The following MSANTD2 variants were observed in gnomAD, a reference collection of about 807,000 sequenced individuals.
MSANTD2 encodes the protein Myb/SANT DNA binding domain containing 2.
Under a neutral mutation model 52.6 loss-of-function variants are expected in MSANTD2, and 19 were observed. The ratio of observed to expected loss-of-function variants is 0.36; its 90% CI spans 0.25 to 0.53. The LOEUF (loss-of-function observed/expected upper bound fraction) is 0.53, where lower values mean the gene tolerates loss of function less well. Ranked by LOEUF, MSANTD2 falls within the 20% of genes least tolerant of loss-of-function variation. The pLI, the probability that MSANTD2 is intolerant of heterozygous loss-of-function variation, is 0.91. For synonymous variants in MSANTD2, 291 were observed against 289.7 expected (o/e 1.00, Z -0.04); for missense variants, 558 against 716.3 (o/e 0.78, Z 2.52).
Position 124,767,172 on chromosome 11 carries a change from ACATT to A in MSANTD2, c.1680_*3del. ...AGAGCCCAAATCCTTATGAAGGATGACATTCAGTTGTTAAATTTTAAGGGGTATC... is the reference window on the plus strand; with the variant it reads ...AGAGCCCAAATCCTTATGAAGGATGACAGTTGTTAAATTTTAAGGGGTATC... On this transcript the variant is annotated stop_lost and 3_prime_UTR_variant, in exon 4 of 4. Transcript: ENST00000374979. This position sits in a 1 kb window ranked among gnomAD's most constrained non-coding sequence, Gnocchi z 6.5. 6.3e-7 allele frequency: 1 copy of A among 1,588,068 alleles called. No homozygotes were observed. Among genetic ancestry groups the A allele is most frequent in the East Asian group, 2.2e-5 (1 of 44,756 alleles).
chr11:124,785,469 C>A (rs1350314090), intron 1 of MSANTD2, among the ~76,000 whole-genome samples: 3 of 152,198 alleles, frequency 2.0e-5, no homozygotes, highest in Non-Finnish European at 2.9e-5. Flanking sequence ...GCAACAGCAG[C>A]CTCTGCTAAT....
At chr11:124,791,276 C>T (rs1945325163) in intron 1 of MSANTD2, 1 of 1,456,496 alleles carries the variant, frequency 6.9e-7, no homozygotes, top group Non-Finnish European at 9.6e-7. Context: ...TTGGTCTACT[C>T]CATGCCCTCC....
rs1555111460 is a variant in MSANTD2, at chr11:124,766,527, TAA to T, written c.*647_*648del. On this transcript the variant is annotated 3_prime_UTR_variant, in exon 4 of 4. Transcript: ENST00000374979. ...AGGAATTACTTTAATTTTTTTTTTT[TAA>T]AAAAAGGTTTAAATGGCAACACAAC... The T allele has an allele frequency of 6.6e-6, 1 of 151,470 alleles. No individual in the cohort carries two copies. The highest frequency in any genetic ancestry group is 2.4e-5 in the African/African-American group (1 of 41,090). 9.4% of individuals were successfully genotyped at this position (151,470 alleles called of 1,614,324 possible). A position where few individuals can be genotyped will look rare whatever the true frequency, so the allele number is the denominator to read the frequency against.
rs915125350 is a variant in MSANTD2, at chr11:124,779,279, T to G, written c.511-4305A>C. 1.3e-5 allele frequency: 2 copies of G among 152,210 alleles called. No individual in the cohort carries two copies. The highest frequency in any genetic ancestry group is 1.3e-4 in the Admixed American group (2 of 15,280). 9.4% of individuals were successfully genotyped at this position (152,210 alleles called of 1,614,324 possible). A position where few individuals can be genotyped will look rare whatever the true frequency, so the allele number is the denominator to read the frequency against. On this transcript the variant is annotated intron_variant, in intron 1 of 3. Coordinates refer to ENST00000374979, the MANE Select transcript of MSANTD2 (RefSeq NM_001308027.2). This position sits in a 1 kb window ranked among gnomAD's most constrained non-coding sequence, Gnocchi z 4.6. ...ACCTAAGCTACTTTTGGGGTGAAAT[T>G]AAGGTTTATTTTGCTTTAGTGTCCT...
intron 1 of MSANTD2, among the ~76,000 whole-genome samples, chr11:124,777,061 C>G (rs1944773871): frequency 6.6e-6 from 1 of 152,192 alleles, no homozygotes; most frequent in African/African-American, 2.4e-5. Flanking sequence ...CTACACACTC[C>G]CCCTTTCCCA....
Position 124,799,910 on chromosome 11 carries a change from G to C in MSANTD2, c.471C>G (p.Gly157=). 6.3e-7 allele frequency: 1 copy of C among 1,584,932 alleles called. No individual in the cohort carries two copies. Among genetic ancestry groups the C allele is most frequent in the Non-Finnish European group, 8.5e-7 (1 of 1,173,778 alleles). Residue 157 remains glycine (G), a synonymous_variant, in exon 1 of 4, where the codon GGC becomes GGG. Transcript: ENST00000374979. ...ERVSRALAEL[G]YERTPSQCRE... ...GGCACTGGGACGGGGTCCGCTCGTAGCCCAGCTCGGCCAGGGCCCGGGACA... is the reference window on the plus strand; with the variant it reads ...GGCACTGGGACGGGGTCCGCTCGTACCCCAGCTCGGCCAGGGCCCGGGACA...
intron 3 of MSANTD2, among the ~76,000 whole-genome samples, chr11:124,772,306 A>G (rs1944555377): frequency 6.6e-6 from 1 of 152,206 alleles, no homozygotes; most frequent in Non-Finnish European, 1.5e-5. Flanking sequence ...CCTTAATTAA[A>G]CATCCAGATG....
At chr11:124,777,421 A>C in intron 1 of MSANTD2, among the ~76,000 whole-genome samples, 1 of 152,238 alleles carries the variant, frequency 6.6e-6, no homozygotes. Flanking sequence ...AGGAAGTGAC[A>C]CAAGCATAAG....
At chr11:124,768,614 A>G (rs1042765139) in intron 3 of MSANTD2, among the ~76,000 whole-genome samples, 2 of 152,240 alleles carry the variant, frequency 1.3e-5, no homozygotes, top group Non-Finnish European at 2.9e-5. Context: ...CCTTTTTAAA[A>G]TGACATTTTC....
chr11:124,794,135 C>T (rs911623413), intron 1 of MSANTD2, among the ~76,000 whole-genome samples: 3 of 152,178 alleles, frequency 2.0e-5, no homozygotes, highest in Admixed American at 2.0e-4. Flanking sequence ...AGAATATTTC[C>T]ATCATCACAA....
At chr11:124,768,990 A>C (rs1027399152) in intron 3 of MSANTD2, among the ~76,000 whole-genome samples, 1 of 152,238 alleles carries the variant, frequency 6.6e-6, no homozygotes, top group Admixed American at 6.5e-5. Context: ...TTGGCAACAA[A>C]CTACTACCCT....
rs1196955937 is a variant in MSANTD2, at chr11:124,800,119, C to T, written c.262G>A (p.Gly88Ser). The T allele has an allele frequency of 3.4e-6, 5 of 1,482,672 alleles. No individual in the cohort carries two copies. In the Admixed American group the frequency reaches 9.8e-5, roughly 29 times the overall value. The allele number at this position is 1,482,672 out of a possible 1,614,324, so 91.8% of individuals were successfully genotyped here. A position where few individuals can be genotyped will look rare whatever the true frequency, so the allele number is the denominator to read the frequency against. ...GCGGCGGCTGCCGCAGCCCCGCCACCGCCGCCACCAGGGGAGAAGGAGACC... is the reference window on the plus strand; with the variant it reads ...GCGGCGGCTGCCGCAGCCCCGCCACTGCCGCCACCAGGGGAGAAGGAGACC... ...SSVSFSPGGG[G>S]GGAAAAAAAA... Residue 88 changes from glycine (G) to serine (S), a missense_variant, in exon 1 of 4, where the codon GGT (glycine) becomes AGT (serine). Gly to Ser is a moderately conservative substitution (Grantham distance 56, BLOSUM62 0). Coordinates refer to ENST00000374979, the MANE Select transcript of MSANTD2 (RefSeq NM_001308027.2). This position sits in a 1 kb window ranked among gnomAD's most constrained non-coding sequence, Gnocchi z 4.3.
intron 1 of MSANTD2, chr11:124,784,150 TG>T (rs1458929139): frequency 1.4e-5 from 14 of 984,458 alleles, no homozygotes; most frequent in Non-Finnish European, 1.7e-5. Context: ...CCTCCTCACC[TG>T]AAAGGGAAAA....
chr11:124,799,849 C>T, intron 1 of MSANTD2, 22 bp downstream of exon 1: 1 of 1,557,614 alleles, frequency 6.4e-7, no homozygotes, highest in Non-Finnish European at 8.6e-7. Flanking sequence ...GGTTCGCTGC[C>T]CCAGGCCGGG....
intron 1 of MSANTD2, among the ~76,000 whole-genome samples, chr11:124,782,285 TA>T (rs56183065): frequency 2.7e-3 from 376 of 141,098 alleles, no homozygotes; most frequent in Middle Eastern, 7.4e-3. Flanking sequence ...TGTCTCTACT[TA>T]AAAAAAAAAA....
chr11:124,788,017 C>T (rs1017949467), intron 1 of MSANTD2, among the ~76,000 whole-genome samples: 1 of 149,466 alleles, frequency 6.7e-6, no homozygotes, highest in Non-Finnish European at 1.5e-5. Context: ...TCACCTGAGC[C>T]TGGGGAGGTT....
chr11:124,767,331 C>A lies in MSANTD2; in HGVS notation c.1525G>T (p.Gly509Trp). 6.2e-7 allele frequency: 1 copy of A among 1,614,156 alleles called. No individual in the cohort carries two copies. The highest frequency in any genetic ancestry group is 8.5e-7 in the Non-Finnish European group (1 of 1,180,018). Residue 509 changes from glycine (G) to tryptophan (W), a missense_variant, in exon 4 of 4, where the codon GGG (glycine) becomes TGG (tryptophan). This residue lies in a region of MSANTD2 where 408 missense variants were observed against 573.6 expected (regional missense o/e 0.71). Transcript: ENST00000374979. This position sits in a 1 kb window ranked among gnomAD's most constrained non-coding sequence, Gnocchi z 6.5. ...TFSKDWVGIN[G>W]FLSQNCIVDP... ...ACAATACAGTTCTGAGACAAAAACC[C>A]GTTAATACCAACCCAATCTTTGCTG...
chr11:124,778,452 T>G (rs990241962), intron 1 of MSANTD2, among the ~76,000 whole-genome samples: 1 of 152,234 alleles, frequency 6.6e-6, no homozygotes, highest in Admixed American at 6.5e-5. Context: ...TAAATTGACA[T>G]GATGCTGTTG....
intron 1 of MSANTD2, among the ~76,000 whole-genome samples, chr11:124,792,996 T>A (rs1274010848): frequency 6.6e-6 from 1 of 152,098 alleles, no homozygotes; most frequent in Non-Finnish European, 1.5e-5. Context: ...CACCACTACA[T>A]CAGCCAAGAA....
Sources: gnomAD v4.1 joint callset for allele counts (sites outside exome capture counted in the v4.1 genomes callset) on GRCh38, gnomAD v4.1.1 for gene constraint, gnomAD v4.1.1 regional missense constraint, Gnocchi (gnomAD v3.1) non-coding constraint, MANE v1.5 for transcripts, NCBI Gene and HGNC (gene_info 2026-07-23, HGNC 2026-07-21) for gene names.